Variants in KALRN observed in about 807,000 individuals in gnomAD.
KALRN encodes kalirin RhoGEF kinase.
In KALRN, 70 loss-of-function variants were observed where a neutral mutation model predicts 353.7. The ratio of observed to expected loss-of-function variants is 0.20; its 90% CI spans 0.16 to 0.24. The LOEUF (loss-of-function observed/expected upper bound fraction) is 0.24. Among genes scored for constraint, KALRN ranks in the 10% least tolerant of loss-of-function variants. KALRN has a pLI of 1.00. For synonymous variants in KALRN, 1,391 were observed against 1,434.8 expected (o/e 0.97, Z 0.69); for missense variants, 2,791 against 3,756.7 (o/e 0.74, Z 6.72).
chr3:124,411,094 TA>T (rs956595482), intron 13 of KALRN, among the ~76,000 whole-genome samples: 24 of 151,814 alleles, frequency 1.6e-4, no homozygotes, highest in South Asian at 4.2e-4. Context: ...GCCAGATGTT[TA>T]AAAAAAAATT....
intron 1 of KALRN, among the ~76,000 whole-genome samples, chr3:124,224,893 T>A (rs9859929): frequency 1.3e-5 from 2 of 152,138 alleles, no homozygotes; most frequent in African/African-American, 4.8e-5. Context: ...CTACTCAGAT[T>A]GCCAGTGCTT....
intron 34 of KALRN, chr3:124,584,619 T>C: frequency 7.1e-7 from 1 of 1,404,074 alleles, no homozygotes; most frequent in Non-Finnish European, 9.2e-7. Flanking sequence ...CCTTAGGCCC[T>C]CCCTCCCCGC....
At chr3:124,476,863 T>C (rs2061477405) in intron 26 of KALRN, among the ~76,000 whole-genome samples, 1 of 152,216 alleles carries the variant, frequency 6.6e-6, no homozygotes. Context: ...GTTTTTGTAT[T>C]CAGAGCAAAT....
At chr3:124,659,279 C>G in intron 42 of KALRN, 86 bp from the exon 43 acceptor site, 2 of 878,072 alleles carry the variant, frequency 2.3e-6, no homozygotes, top group East Asian at 4.8e-5. Context: ...AACATGCAGA[C>G]CTGTCTTCCA....
chr3:124,155,921 A>G (rs571244439), intron 1 of KALRN, among the ~76,000 whole-genome samples: 27 of 152,162 alleles, frequency 1.8e-4, no homozygotes, highest in Non-Finnish European at 3.4e-4. Context: ...GTTTGTGTCC[A>G]GCCGCTTCTG....
chr3:124,699,695 G>A lies in KALRN; in HGVS notation c.7832-174G>A, dbSNP rs527288280. Among the ~76,000 whole-genome samples, 3 of 152,310 alleles carry A rather than the reference G, an allele frequency of 2.0e-5. No homozygotes were observed. In the East Asian group the frequency reaches 5.8e-4, roughly 29 times the overall value. On this transcript the variant is annotated intron_variant, in intron 55 of 59. Transcript: ENST00000682506. Reference sequence around the variant, plus strand: ...TCTCACCATTTATTCCGTCATTTAGGAAACCGAATCCAAACTACCATAGTT... The same window carrying A: ...TCTCACCATTTATTCCGTCATTTAGAAAACCGAATCCAAACTACCATAGTT...
intron 8 of KALRN, among the ~76,000 whole-genome samples, chr3:124,332,116 CA>C (rs1188323692): frequency 1.3e-5 from 2 of 152,112 alleles, no homozygotes; most frequent in Non-Finnish European, 2.9e-5. Context: ...CCCTGGCAGT[CA>C]ATTATGGGAG....
chr3:124,427,355 A>G (rs1456274414), intron 15 of KALRN, among the ~76,000 whole-genome samples: 1 of 152,178 alleles, frequency 6.6e-6, no homozygotes, highest in East Asian at 1.9e-4. Flanking sequence ...GGAGCTGATT[A>G]TTTTTCCTGT....
intron 25 of KALRN, among the ~76,000 whole-genome samples, chr3:124,466,149 T>C (rs1171279732): frequency 1.3e-5 from 2 of 151,842 alleles, no homozygotes; most frequent in Non-Finnish European, 2.9e-5. Context: ...GCACCAAAAC[T>C]TCTTTAAAGA....
intron 1 of KALRN, among the ~76,000 whole-genome samples, chr3:124,072,200 A>C (rs1471473202): frequency 1.3e-5 from 2 of 152,168 alleles, no homozygotes; most frequent in Non-Finnish European, 2.9e-5. Context: ...TCTAAATACA[A>C]TCCAGGAACA....
At chr3:124,346,751 T>C (rs2082301230) in intron 9 of KALRN, among the ~76,000 whole-genome samples, 1 of 152,170 alleles carries the variant, frequency 6.6e-6, no homozygotes, top group Admixed American at 6.6e-5. Flanking sequence ...GGATGAGTAA[T>C]GAGGGCCAAG....
intron 13 of KALRN, among the ~76,000 whole-genome samples, chr3:124,404,875 G>T (rs567597627): frequency 2.4e-4 from 37 of 151,736 alleles, no homozygotes; most frequent in Non-Finnish European, 5.2e-4. Flanking sequence ...GTCCAATTTC[G>T]CCACTTTTTC....
rs1195001326 is a variant in KALRN at position 124,434,235 on chromosome 3, C to T, written c.2830-72C>T. On this transcript the variant is annotated intron_variant, in intron 16 of 59. Coordinates refer to ENST00000682506, the MANE Select transcript of KALRN (RefSeq NM_001388419.1). ...ACTTCTCTGCATCTTTTCACTCACG[C>T]CTCACTCCACCCCCTCCCATACCAC... 6.1e-6 allele frequency: 7 copies of T among 1,154,206 alleles called. No individual in the cohort carries two copies. The South Asian group carries it at 6.6e-5, about 11-fold the overall frequency. 71.5% of individuals were successfully genotyped at this position (1,154,206 alleles called of 1,614,324 possible). A position where few individuals can be genotyped will look rare whatever the true frequency, so the allele number is the denominator to read the frequency against.
intron 34 of KALRN, among the ~76,000 whole-genome samples, chr3:124,624,202 A>G (rs1422452274): frequency 1.3e-5 from 2 of 152,096 alleles, no homozygotes; most frequent in South Asian, 2.1e-4. Flanking sequence ...CCCATTAGTC[A>G]CTTAGTAGCT....
rs1023118270 is a variant in KALRN, at chr3:124,638,152, T to C, written c.5664+849T>C. Among the ~76,000 whole-genome samples the C allele has an allele frequency of 3.9e-5, 6 of 152,206 alleles. No individual in the cohort carries two copies. The East Asian group carries it at 5.8e-4, about 15-fold the overall frequency. The stretch of plus-strand genomic sequence containing the variant: ...TGTCTGTGCTTCTGCCAGACTTCTA[T>C]TGGGCAGTCTTATTAATCACTTGGC... On this transcript the variant is annotated intron_variant, in intron 37 of 59. Transcript: ENST00000682506.
intron 34 of KALRN, among the ~76,000 whole-genome samples, chr3:124,579,932 G>C (rs1301923681): frequency 6.6e-6 from 1 of 152,204 alleles, no homozygotes; most frequent in African/African-American, 2.4e-5. Flanking sequence ...TGGACAAGGG[G>C]AAGATGTCAG....
chr3:124,242,568 G>A (rs2080603035), intron 3 of KALRN, among the ~76,000 whole-genome samples: 1 of 152,200 alleles, frequency 6.6e-6, no homozygotes, highest in Non-Finnish European at 1.5e-5. Context: ...GGAACAGAGG[G>A]ACAATGGAAG....
chr3:124,189,590 G>T (rs2074650439), intron 1 of KALRN, among the ~76,000 whole-genome samples: 1 of 151,706 alleles, frequency 6.6e-6, no homozygotes, highest in South Asian at 2.1e-4. Context: ...ATCACCTGAG[G>T]TCAGGCGTTC....
intron 33 of KALRN, among the ~76,000 whole-genome samples, chr3:124,515,370 C>T (rs974466356): frequency 2.6e-5 from 4 of 152,148 alleles, no homozygotes; most frequent in Non-Finnish European, 5.9e-5. Flanking sequence ...AAGCCACTGT[C>T]CTATAAAGTG....
Sources: allele counts gnomAD v4.1 joint callset (sites outside exome capture counted in the v4.1 genomes callset), GRCh38; gene constraint gnomAD v4.1.1; transcripts MANE v1.5; gene names NCBI Gene and HGNC (gene_info 2026-07-23, HGNC 2026-07-21).